ZBTB17: variants seen among roughly 807,000 people sequenced by gnomAD.
ZBTB17 encodes the protein zinc finger and BTB domain containing 17, also known as zinc finger and BTB domain-containing protein 17.
ZBTB17 carries 24 observed loss-of-function variants against 85.1 expected under a neutral mutation model. The observed-to-expected ratio is 0.28, with a 90% confidence interval of 0.20 to 0.40. The LOEUF (loss-of-function observed/expected upper bound fraction) is 0.40. ZBTB17 is among the 10% of genes least tolerant of loss of function. The pLI, the probability that ZBTB17 is intolerant of heterozygous loss-of-function variation, is 1.00. For synonymous variants in ZBTB17, 464 were observed against 460.2 expected, an observed-to-expected ratio of 1.01 and a Z score of -0.11; for missense variants, 743 against 1,105.1, an observed-to-expected ratio of 0.67 and a Z score of 4.65.
rs530127783 is a variant in ZBTB17 at position 15,966,488 on chromosome 1, T to C, written c.-3+6551A>G. 1.2e-4 allele frequency among the ~76,000 whole-genome samples: 19 copies of C among 152,316 alleles called. No individual in the cohort carries two copies. The East Asian group carries it at 1.5e-3, about 12-fold the overall frequency. On this transcript the variant is annotated intron_variant, in intron 2 of 15. Transcript: ENST00000375743. This position sits in a 1 kb window ranked among gnomAD's most constrained non-coding sequence, Gnocchi z 4.1. ...CTGAGCCTCTGTCCACACTGCTGTT[T>C]AGATATGAGTGAACAACTCTCAGTT...
chr1:15,969,834 G>GT, intron 2 of ZBTB17: 2 of 558,052 alleles, frequency 3.6e-6, no homozygotes, highest in African/African-American at 1.9e-5. Flanking sequence ...TCACCATGCT[G>GT]TTTTTTATCA....
Position 15,942,311 on chromosome 1 carries a change from A to C in ZBTB17, c.2128+20T>G, listed in dbSNP as rs1553181216. The stretch of plus-strand genomic sequence containing the variant: ...GACCCCGGGCTCTGCCCACATTCAC[A>C]CCCGGGTGGCCCCCCTCACCTTCTT... On this transcript the variant is annotated intron_variant, in intron 15 of 15. Coordinates refer to ENST00000375743, the MANE Select transcript of ZBTB17 (RefSeq NM_003443.3). 6.2e-7 allele frequency: 1 copy of C among 1,613,870 alleles called. No homozygotes were observed. Among genetic ancestry groups the C allele is most frequent in the Non-Finnish European group, 8.5e-7 (1 of 1,180,000 alleles).
At chr1:15,947,951 G>A (rs1209738550) in intron 3 of ZBTB17, among the ~76,000 whole-genome samples, 1 of 152,196 alleles carries the variant, frequency 6.6e-6, no homozygotes, top group Non-Finnish European at 1.5e-5. Context: ...CACTGGGGTA[G>A]ATGCTTCAGG....
intron 3 of ZBTB17, among the ~76,000 whole-genome samples, chr1:15,947,545 C>T (rs1379791871): frequency 5.3e-5 from 8 of 151,486 alleles, no homozygotes; most frequent in African/African-American, 1.9e-4. Context: ...AAATGCCCAT[C>T]CTGCAGGGAG....
At position 15,951,017 on chromosome 1, in the gene ZBTB17, G is replaced by A. The variant is rs906016527; in HGVS notation, c.-2-2520C>T. Among the ~76,000 whole-genome samples the A allele has an allele frequency of 2.0e-5, 3 of 152,132 alleles. No homozygotes were observed. The highest frequency in any genetic ancestry group is 7.2e-5 in the African/African-American group (3 of 41,412). ...ATAGTAAAGGCCCCAAGGACAGGGT[G>A]GGTGGTGGCCCAGCCCCCCACATAC... On this transcript the variant is annotated intron_variant, in intron 2 of 15. Transcript: ENST00000375743. The surrounding 1 kb of genome is among the most constrained non-coding windows in gnomAD (Gnocchi z 4.1).
rs372739290 is a variant in ZBTB17, at chr1:15,944,853, G to A, written c.928-14C>T. 1.0e-5 allele frequency: 16 copies of A among 1,581,704 alleles called. No individual in the cohort carries two copies. In the African/African-American group the frequency reaches 1.5e-4, roughly 15 times the overall value. On this transcript the variant is annotated splice_polypyrimidine_tract_variant and intron_variant, in intron 7 of 15. Transcript: ENST00000375743. ...CTTCCCACAGTCCTGTGGGTGCAGC[G>A]GGGAAGCGGGGTGTGAGGAGCAGCC...
intron 2 of ZBTB17, among the ~76,000 whole-genome samples, chr1:15,961,491 G>T (rs2072256067): frequency 6.6e-6 from 1 of 152,214 alleles, no homozygotes; most frequent in Non-Finnish European, 1.5e-5. Flanking sequence ...AGTTGGGCCT[G>T]GATAATCAGT....
intron 2 of ZBTB17, chr1:15,970,307 G>T: frequency 3.8e-6 from 1 of 264,104 alleles, no homozygotes; most frequent in Non-Finnish European, 7.1e-6. Context: ...TGAAACTGAT[G>T]CTGAGAAGGA....
intron 2 of ZBTB17, among the ~76,000 whole-genome samples, chr1:15,949,597 C>G (rs765820477): frequency 6.6e-6 from 1 of 152,256 alleles, no homozygotes; most frequent in Non-Finnish European, 1.5e-5. Context: ...GCTGGCTCCC[C>G]GGCTTCTGGG....
Position 15,944,462 on chromosome 1 carries a change from G to A in ZBTB17, c.1209C>T (p.Gly403=). The change falls in exon 9 of 16, where the codon GGC becomes GGT. Residue 403 remains glycine (G), a synonymous_variant. Coordinates refer to ENST00000375743, the MANE Select transcript of ZBTB17 (RefSeq NM_003443.3). The stretch of plus-strand genomic sequence containing the variant: ...GCACCAGCTGGTGGCGCTTGAGGTT[G>A]CCCGAGGTGGTGAAGAGCTTGCCGC... ...EDCGKLFTTS[G]NLKRHQLVHS... 6.3e-7 allele frequency: 1 copy of A among 1,576,312 alleles called. No homozygotes were observed. Among genetic ancestry groups the A allele is most frequent in the Non-Finnish European group, 8.6e-7 (1 of 1,162,046 alleles).
rs1249052639 is a variant in ZBTB17 at position 15,946,121 on chromosome 1, G to A, written c.535+33C>T. 3 of 1,601,606 alleles carry A rather than the reference G, an allele frequency of 1.9e-6. No homozygotes were observed. The African/African-American group carries it at 4.0e-5, about 21-fold the overall frequency. On this transcript the variant is annotated intron_variant, in intron 5 of 15. Transcript: ENST00000375743. ...TGCCCAGGCTGCTGGGAGGTGACAGGACAGCCGGCTGGGTCCTTGGCATCT... is the reference window on the plus strand; with the variant it reads ...TGCCCAGGCTGCTGGGAGGTGACAGAACAGCCGGCTGGGTCCTTGGCATCT...
chr1:15,966,393 T>A lies in ZBTB17; in HGVS notation c.-3+6646A>T, dbSNP rs113555823. Among the ~76,000 whole-genome samples, 1 of 152,150 alleles carries A rather than the reference T, an allele frequency of 6.6e-6. No individual in the cohort carries two copies. ...TCAAGACCAGAAGCTGAGTAGATTT[T>A]TGATGTTACAATGAACCCACTAAGC... On this transcript the variant is annotated intron_variant, in intron 2 of 15. Coordinates refer to ENST00000375743, the MANE Select transcript of ZBTB17 (RefSeq NM_003443.3). The surrounding 1 kb of genome is among the most constrained non-coding windows in gnomAD (Gnocchi z 4.1).
intron 2 of ZBTB17, among the ~76,000 whole-genome samples, chr1:15,971,454 A>C (rs1309766409): frequency 7.5e-6 from 1 of 132,984 alleles, no homozygotes; most frequent in Non-Finnish European, 1.7e-5. Context: ...ATATACACAC[A>C]CACTATATAT....
intron 2 of ZBTB17, among the ~76,000 whole-genome samples, chr1:15,971,124 A>G (rs2148816421): frequency 6.6e-6 from 1 of 152,264 alleles, no homozygotes; most frequent in South Asian, 2.1e-4. Context: ...ATCAGTGTTC[A>G]CAACTTCCTT....
intron 3 of ZBTB17, 165 bp from the exon 4 acceptor site, chr1:15,947,288 A>C (rs1341537226): frequency 1.5e-6 from 1 of 669,642 alleles, no homozygotes; most frequent in Non-Finnish European, 2.5e-6. Flanking sequence ...AACCTGGGGG[A>C]TCTCAGCACT....
Position 15,945,713 on chromosome 1 carries a change from A to G in ZBTB17, c.661+2T>C. On this transcript the variant is annotated splice_donor_variant, in intron 6 of 15. Coordinates refer to ENST00000375743, the MANE Select transcript of ZBTB17 (RefSeq NM_003443.3). LOFTEE classifies it high-confidence loss of function. ...GGCCTGGTCCTGGCTGGGCGGGGCTACCTTGCTCCGAGCTCTCGGACAAAG... is the reference window on the plus strand; with the variant it reads ...GGCCTGGTCCTGGCTGGGCGGGGCTGCCTTGCTCCGAGCTCTCGGACAAAG... 1 of 1,606,840 alleles carries G rather than the reference A, an allele frequency of 6.2e-7. No individual in the cohort carries two copies. The highest frequency in any genetic ancestry group is 8.5e-7 in the Non-Finnish European group (1 of 1,179,780).
intron 2 of ZBTB17, among the ~76,000 whole-genome samples, chr1:15,958,426 A>AC (rs1008691939): frequency 3.3e-5 from 5 of 151,822 alleles, no homozygotes; most frequent in African/African-American, 4.8e-5. Context: ...AAAAAAAAAA[A>AC]AAAAAAAACA....
rs1474425942 is a variant in ZBTB17 at position 15,951,015 on chromosome 1, G to C, written c.-2-2518C>G. 6.6e-6 allele frequency among the ~76,000 whole-genome samples: 1 copy of C among 152,194 alleles called. No individual in the cohort carries two copies. The highest frequency in any genetic ancestry group is 2.4e-5 in the African/African-American group (1 of 41,440). ...AAATAGTAAAGGCCCCAAGGACAGGGTGGGTGGTGGCCCAGCCCCCCACAT... is the reference window on the plus strand; with the variant it reads ...AAATAGTAAAGGCCCCAAGGACAGGCTGGGTGGTGGCCCAGCCCCCCACAT... On this transcript the variant is annotated intron_variant, in intron 2 of 15. Coordinates refer to ENST00000375743, the MANE Select transcript of ZBTB17 (RefSeq NM_003443.3). This position sits in a 1 kb window ranked among gnomAD's most constrained non-coding sequence, Gnocchi z 4.1.
At chr1:15,955,547 G>A (rs976978983) in intron 2 of ZBTB17, among the ~76,000 whole-genome samples, 10 of 152,080 alleles carry the variant, frequency 6.6e-5, no homozygotes, top group Non-Finnish European at 1.2e-4. Context: ...CAGTATTTTC[G>A]GAAGTTTGTA....
Sources: allele counts gnomAD v4.1 joint callset (sites outside exome capture counted in the v4.1 genomes callset), GRCh38; gene constraint gnomAD v4.1.1; non-coding constraint Gnocchi (gnomAD v3.1); transcripts MANE v1.5; gene names NCBI Gene and HGNC (gene_info 2026-07-23, HGNC 2026-07-21).